The following APBA1 variants were observed in gnomAD, a reference collection of about 807,000 sequenced individuals.
APBA1 encodes amyloid beta precursor protein binding family A member 1.
APBA1 carries 55 observed loss-of-function variants against 86.6 expected under a neutral mutation model. The ratio of observed to expected loss-of-function variants is 0.64; its 90% CI spans 0.51 to 0.80. APBA1 has a LOEUF of 0.80. APBA1 is among the 30% of genes least tolerant of loss of function. APBA1 has a pLI of 0.00. For missense variants in APBA1, 1,090 were observed against 1,183.0 expected (o/e 0.92, Z 1.15); for synonymous variants, 511 against 493.9 (o/e 1.03, Z -0.46).
intron 1 of APBA1, among the ~76,000 whole-genome samples, chr9:69,668,035 G>A (rs1823875301): frequency 6.6e-6 from 1 of 152,038 alleles, no homozygotes; most frequent in African/African-American, 2.4e-5. Context: ...ATTGCCCCTT[G>A]TTTAACGTGG....
rs1323458563 is a variant in APBA1, at chr9:69,427,602, AAGAT to A, written c.*3721_*3724del. On this transcript the variant is annotated 3_prime_UTR_variant, in exon 13 of 13. Transcript: ENST00000265381. ...ACATTAGCGTTCAGTTAAATAAAGG[AAGAT>A]AGATAGCACAGTAAATACATCACAA... 3 of 152,120 alleles carry A rather than the reference AAGAT, an allele frequency of 2.0e-5. No homozygotes were observed. The highest frequency in any genetic ancestry group is 2.9e-5 in the Non-Finnish European group (2 of 68,016). The allele number at this position is 152,120 out of a possible 1,614,324, so 9.4% of individuals were successfully genotyped here.
intron 4 of APBA1, among the ~76,000 whole-genome samples, chr9:69,469,049 T>G (rs1202762935): frequency 6.6e-6 from 1 of 151,990 alleles, no homozygotes; most frequent in African/African-American, 2.4e-5. Context: ...TTTGTAGAGA[T>G]GGGGTTTTGC....
intron 2 of APBA1, among the ~76,000 whole-genome samples, chr9:69,498,548 C>T (rs1296349260): frequency 1.3e-5 from 2 of 152,088 alleles, no homozygotes; most frequent in Non-Finnish European, 2.9e-5. Context: ...TTGAAGGTCT[C>T]GCTTGGGGCT....
chr9:69,451,012 C>T (rs1834998914), intron 9 of APBA1, among the ~76,000 whole-genome samples: 1 of 152,292 alleles, frequency 6.6e-6, no homozygotes, highest in Middle Eastern at 3.4e-3. Context: ...GTCTGTGAGA[C>T]AATAGGTTTG....
intron 1 of APBA1, among the ~76,000 whole-genome samples, chr9:69,598,634 A>G (rs1822283670): frequency 6.6e-6 from 1 of 152,020 alleles, no homozygotes; most frequent in African/African-American, 2.4e-5. Context: ...GTATCTACTG[A>G]ATGAATAAAT....
intron 1 of APBA1, among the ~76,000 whole-genome samples, chr9:69,557,342 G>T (rs934785506): frequency 6.6e-6 from 1 of 152,142 alleles, no homozygotes; most frequent in Non-Finnish European, 1.5e-5. Flanking sequence ...CATCCAGGAA[G>T]AAAATTATTT....
intron 1 of APBA1, among the ~76,000 whole-genome samples, chr9:69,670,037 C>T (rs1440159068): frequency 1.3e-5 from 2 of 152,038 alleles, no homozygotes; most frequent in African/African-American, 4.8e-5. Flanking sequence ...AGACATTTGG[C>T]ATAACAAATA....
intron 1 of APBA1, among the ~76,000 whole-genome samples, chr9:69,554,519 C>G (rs1182606901): frequency 6.6e-6 from 1 of 152,156 alleles, no homozygotes; most frequent in African/African-American, 2.4e-5. Context: ...CTGCAAACCT[C>G]TAATATCTCC....
chr9:69,527,377 G>A (rs776442516), intron 1 of APBA1, among the ~76,000 whole-genome samples: 6 of 152,030 alleles, frequency 3.9e-5, no homozygotes, highest in Non-Finnish European at 8.8e-5. Flanking sequence ...AATGAAGCTG[G>A]GTATAGATCA....
chr9:69,622,915 C>T lies in APBA1; in HGVS notation c.-70+49238G>A, dbSNP rs1822849833. 2.0e-5 allele frequency among the ~76,000 whole-genome samples: 3 copies of T among 152,282 alleles called. No individual in the cohort carries two copies. In the South Asian group the frequency reaches 6.2e-4, roughly 32 times the overall value. Reference sequence around the variant, plus strand: ...AGCTGTGGTTTTGGCAATCACAGCACATAGAAACAGCATGCATTGTCTTCA... The same window carrying T: ...AGCTGTGGTTTTGGCAATCACAGCATATAGAAACAGCATGCATTGTCTTCA... On this transcript the variant is annotated intron_variant, in intron 1 of 12. Coordinates refer to ENST00000265381, the MANE Select transcript of APBA1 (RefSeq NM_001163.4).
Position 69,428,891 on chromosome 9 carries a change from G to C in APBA1, c.*2436C>G, listed in dbSNP as rs1367043676. The C allele has an allele frequency of 6.6e-6, 1 of 152,222 alleles. No homozygotes were observed. Among genetic ancestry groups the C allele is most frequent in the African/African-American group, 2.4e-5 (1 of 41,458 alleles). 9.4% of individuals were successfully genotyped at this position (152,222 alleles called of 1,614,324 possible). A position where few individuals can be genotyped will look rare whatever the true frequency, so the allele number is the denominator to read the frequency against. ...CACCTGGATTAACACAAAAGAATGT[G>C]GCAGAGAAATCTTCTCACTCTAATG... On this transcript the variant is annotated 3_prime_UTR_variant, in exon 13 of 13. Transcript: ENST00000265381.
intron 1 of APBA1, among the ~76,000 whole-genome samples, chr9:69,659,805 T>C (rs914303749): frequency 6.6e-6 from 1 of 152,248 alleles, no homozygotes; most frequent in Non-Finnish European, 1.5e-5. Flanking sequence ...AAGTATACTT[T>C]ATAATTTATT....
At chr9:69,566,640 T>C (rs537248406) in intron 1 of APBA1, among the ~76,000 whole-genome samples, 91 of 152,312 alleles carry the variant, frequency 6.0e-4, no homozygotes, top group Admixed American at 1.8e-3. Context: ...TGGCTTCCTG[T>C]CTGATCTGCT....
chr9:69,658,286 C>CTTTCTTTCTTTCTTTCTT (rs770180947), intron 1 of APBA1, among the ~76,000 whole-genome samples: 2 of 74,244 alleles, frequency 2.7e-5, no homozygotes, highest in Non-Finnish European at 6.1e-5. Context: ...CTTTCTTTCT[C>CTTTCTTTCTTTCTTTCTT]TCTCTCTTTC....
chr9:69,456,855 G>C (rs1343666340), intron 7 of APBA1, among the ~76,000 whole-genome samples, 198 bp downstream of exon 7: 2 of 151,988 alleles, frequency 1.3e-5, no homozygotes, highest in African/African-American at 4.8e-5. Context: ...CATGTCTTAG[G>C]GGTGTTTTTG....
chr9:69,494,133 G>T (rs867850326), intron 2 of APBA1, among the ~76,000 whole-genome samples: 2 of 151,916 alleles, frequency 1.3e-5, no homozygotes, highest in South Asian at 2.1e-4. Context: ...GGCATTGTAG[G>T]GGCATAATTA....
In APBA1 at chr9:69,490,673, C is replaced by A. The variant is rs560526646; in HGVS notation, c.1201-14530G>T. Among the ~76,000 whole-genome samples the A allele has an allele frequency of 2.8e-3, 423 of 152,114 alleles. 2 individuals carry two copies. The highest frequency in any genetic ancestry group is 9.6e-3 in the African/African-American group (400 of 41,504). On this transcript the variant is annotated intron_variant, in intron 2 of 12. Coordinates refer to ENST00000265381, the MANE Select transcript of APBA1 (RefSeq NM_001163.4). Reference sequence around the variant, plus strand: ...ACCATCAGAGTGAACAGGCAACCTACAGAATGGGAGAAAATTTTTGCAATC... The same window carrying A: ...ACCATCAGAGTGAACAGGCAACCTAAAGAATGGGAGAAAATTTTTGCAATC...
In APBA1 at chr9:69,428,635, A is replaced by G. The variant is rs1478348809; in HGVS notation, c.*2692T>C. ...ACATAGCCTTCCCATTACATGGGGT[A>G]TTTAGATATTTACATGTATAACTAT... On this transcript the variant is annotated 3_prime_UTR_variant, in exon 13 of 13. Transcript: ENST00000265381. 3 of 152,160 alleles carry G rather than the reference A, an allele frequency of 2.0e-5. No individual in the cohort carries two copies. The highest frequency in any genetic ancestry group is 4.4e-5 in the Non-Finnish European group (3 of 68,018). 9.4% of individuals were successfully genotyped at this position (152,160 alleles called of 1,614,324 possible).
chr9:69,515,297 G>A (rs1224805001), intron 2 of APBA1, among the ~76,000 whole-genome samples: 4 of 152,062 alleles, frequency 2.6e-5, no homozygotes, highest in African/African-American at 9.7e-5. Context: ...TTGGTTAAGT[G>A]TCTCTCCTTC....
Sources: allele counts gnomAD v4.1 joint callset (sites outside exome capture counted in the v4.1 genomes callset), GRCh38; gene constraint gnomAD v4.1.1; transcripts MANE v1.5; gene names NCBI Gene and HGNC (gene_info 2026-07-23, HGNC 2026-07-21).